Variants in UTRN observed in about 807,000 individuals in gnomAD.
UTRN encodes utrophin.
In UTRN, 283 loss-of-function variants were observed where a neutral mutation model predicts 463.9. The observed-to-expected ratio is 0.61, with a 90% CI of 0.55 to 0.67. The LOEUF (loss-of-function observed/expected upper bound fraction) is 0.67. Ranked by LOEUF, UTRN falls within the 30% of genes least tolerant of loss-of-function variation. The pLI, the probability that UTRN is intolerant of heterozygous loss-of-function variation, is 0.00. For synonymous variants in UTRN, 1,442 were observed against 1,431.5 expected (o/e 1.01, Z -0.17); for missense variants, 3,922 against 4,084.3 (o/e 0.96, Z 1.08).
At chr6:144,293,194 A>G (rs1304347511) in intron 2 of UTRN, among the ~76,000 whole-genome samples, 1 of 152,190 alleles carries the variant, frequency 6.6e-6, no homozygotes, top group Non-Finnish European at 1.5e-5. Flanking sequence ...ATATGTAAAT[A>G]TAACAGAGGA....
At chr6:144,820,815 AT>A in intron 65 of UTRN, 66 bp from the exon 66 acceptor site, 1 of 1,533,448 alleles carries the variant, frequency 6.5e-7, no homozygotes, top group Non-Finnish European at 8.8e-7. Flanking sequence ...ATCGGCTCTG[AT>A]TTTGTTATAG....
intron 51 of UTRN, among the ~76,000 whole-genome samples, chr6:144,676,882 G>A (rs1055038371): frequency 1.3e-5 from 2 of 152,150 alleles, no homozygotes; most frequent in Admixed American, 6.6e-5. Context: ...AGTGACCTCT[G>A]TAAGATGTAA....
chr6:144,445,343 C>T (rs1787560187), intron 14 of UTRN, among the ~76,000 whole-genome samples: 2 of 111,966 alleles, frequency 1.8e-5, no homozygotes, highest in Admixed American at 1.0e-4. Flanking sequence ...AAGAGCGAGA[C>T]TCCCTCTCAA....
intron 33 of UTRN, among the ~76,000 whole-genome samples, chr6:144,497,226 T>C (rs1183731744): frequency 6.6e-6 from 1 of 152,046 alleles, no homozygotes; most frequent in African/African-American, 2.4e-5. Context: ...TACCTTGAAC[T>C]AGGATGGAGA....
At chr6:144,847,508 C>T (rs1270166326) in intron 74 of UTRN, among the ~76,000 whole-genome samples, 1 of 152,022 alleles carries the variant, frequency 6.6e-6, no homozygotes, top group Non-Finnish European at 1.5e-5. Flanking sequence ...GTCAATTATG[C>T]ATTTGTCTTA....
At chr6:144,762,540 C>G (rs1474500381) in intron 58 of UTRN, among the ~76,000 whole-genome samples, 1 of 152,202 alleles carries the variant, frequency 6.6e-6, no homozygotes, top group African/African-American at 2.4e-5. Context: ...AGGCTAATTT[C>G]TACAGGAGGA....
At chr6:144,681,121 G>T (rs9497042) in intron 52 of UTRN, among the ~76,000 whole-genome samples, 1 of 152,118 alleles carries the variant, frequency 6.6e-6, no homozygotes, top group Non-Finnish European at 1.5e-5. Flanking sequence ...AGGGAAGAGA[G>T]ATTGAGCAGA....
intron 48 of UTRN, among the ~76,000 whole-genome samples, chr6:144,551,802 T>C (rs940973358): frequency 6.6e-6 from 1 of 152,200 alleles, no homozygotes; most frequent in Middle Eastern, 3.2e-3. Flanking sequence ...AATTATGCTG[T>C]TATTCCTTAA....
chr6:144,628,567 G>C (rs190953345), intron 51 of UTRN, among the ~76,000 whole-genome samples: 1 of 152,202 alleles, frequency 6.6e-6, no homozygotes, highest in Non-Finnish European at 1.5e-5. Flanking sequence ...GCTTTTCCTT[G>C]ACTTTTTCTC....
chr6:144,484,148 A>G (rs1792177406), intron 27 of UTRN, among the ~76,000 whole-genome samples: 1 of 152,182 alleles, frequency 6.6e-6, no homozygotes, highest in Non-Finnish European at 1.5e-5. Flanking sequence ...TCCACCCACT[A>G]CACAACCCCT....
At chr6:144,338,669 C>T (rs1776915134) in intron 2 of UTRN, among the ~76,000 whole-genome samples, 1 of 152,050 alleles carries the variant, frequency 6.6e-6, no homozygotes. Context: ...GAGAGAAGAG[C>T]CCCTAGAGGC....
At chr6:144,300,739 CAG>C (rs1805170426) in intron 2 of UTRN, among the ~76,000 whole-genome samples, 1 of 152,158 alleles carries the variant, frequency 6.6e-6, no homozygotes, top group Non-Finnish European at 1.5e-5. Flanking sequence ...TATGTTAGAA[CAG>C]AGACTTTGGT....
chr6:144,588,349 C>T (rs1000289004), intron 51 of UTRN, among the ~76,000 whole-genome samples: 1 of 152,148 alleles, frequency 6.6e-6, no homozygotes, highest in African/African-American at 2.4e-5. Context: ...CTCATGCTAT[C>T]AATGACTTGG....
chr6:144,579,401 AG>A lies in UTRN; in HGVS notation c.7479+2114del, dbSNP rs1801748445. 5.3e-5 allele frequency among the ~76,000 whole-genome samples: 8 copies of A among 152,304 alleles called. No homozygotes were observed. The South Asian group carries it at 1.4e-3, about 28-fold the overall frequency. On this transcript the variant is annotated intron_variant, in intron 51 of 74. Transcript: ENST00000367545. The stretch of plus-strand genomic sequence containing the variant: ...ACTTATGCAATGGTTTAATTTCAGT[AG>A]CTATCTAGGCTGTGCACTTGAGTAG...
chr6:144,548,039 A>G (rs1798563325), intron 46 of UTRN, among the ~76,000 whole-genome samples: 1 of 152,182 alleles, frequency 6.6e-6, no homozygotes, highest in Non-Finnish European at 1.5e-5. Flanking sequence ...TATTAAATAC[A>G]TACTTTTTTT....
chr6:144,470,454 T>C (rs1489297941), intron 23 of UTRN, among the ~76,000 whole-genome samples: 9 of 149,740 alleles, frequency 6.0e-5, no homozygotes, highest in Admixed American at 6.0e-4. Flanking sequence ...GAGGCGCTCC[T>C]CACATCCCAG....
chr6:144,745,637 T>G (rs1295934314), intron 54 of UTRN, among the ~76,000 whole-genome samples: 1 of 152,182 alleles, frequency 6.6e-6, no homozygotes, highest in Non-Finnish European at 1.5e-5. Flanking sequence ...ATTTTTACAT[T>G]AAGGAAAGAT....
chr6:144,395,783 A>G (rs1232330280), intron 2 of UTRN, among the ~76,000 whole-genome samples: 1 of 152,130 alleles, frequency 6.6e-6, no homozygotes, highest in African/African-American at 2.4e-5. Flanking sequence ...AGTCTTCAGG[A>G]GGTGTCTAAG....
chr6:144,773,830 C>G (rs1194286956), intron 59 of UTRN, among the ~76,000 whole-genome samples: 1 of 152,166 alleles, frequency 6.6e-6, no homozygotes, highest in African/African-American at 2.4e-5. Flanking sequence ...GAGAAGGTGA[C>G]AGTGAACTTG....
Sources: gnomAD v4.1 joint callset for allele counts (sites outside exome capture counted in the v4.1 genomes callset) on GRCh38, gnomAD v4.1.1 for gene constraint, MANE v1.5 for transcripts, NCBI Gene and HGNC (gene_info 2026-07-23, HGNC 2026-07-21) for gene names.